Variants in MEOX2 observed in about 807,000 individuals in gnomAD.
The protein encoded by MEOX2 is homeobox protein MOX-2.
MEOX2 carries 11 observed loss-of-function variants against 27.0 expected under a neutral mutation model. The ratio of observed to expected loss-of-function variants is 0.41; its 90% CI spans 0.26 to 0.68. The LOEUF (loss-of-function observed/expected upper bound fraction) is 0.68. Ranked by LOEUF, MEOX2 falls within the 30% of genes least tolerant of loss-of-function variation. The probability of loss-of-function intolerance (pLI) is 0.33; values close to 1 mark genes in which losing one functional copy is unlikely to be tolerated. For synonymous variants in MEOX2, 189 were observed against 155.4 expected (o/e 1.22, Z -1.61); for missense variants, 436 against 385.4 (o/e 1.13, Z -1.10).
At chr7:15,615,476 A>G (rs1781108582) in intron 2 of MEOX2, among the ~76,000 whole-genome samples, 1 of 152,056 alleles carries the variant, frequency 6.6e-6, no homozygotes, top group Non-Finnish European at 1.5e-5. Context: ...TGTGATTACT[A>G]TCATTCAGGT....
rs1781278390 is a variant in MEOX2 at position 15,625,032 on chromosome 7, C to T, written c.690+1714G>A. On this transcript the variant is annotated intron_variant, in intron 2 of 2. Coordinates refer to ENST00000262041, the MANE Select transcript of MEOX2 (RefSeq NM_005924.5). Reference sequence around the variant, plus strand: ...CAATGACAGATAACCGTAGACCACCCCCAAAATGTCAAGTACAGAATCTTG... The same window carrying T: ...CAATGACAGATAACCGTAGACCACCTCCAAAATGTCAAGTACAGAATCTTG... Among the ~76,000 whole-genome samples the T allele has an allele frequency of 2.0e-5, 3 of 152,080 alleles. No individual in the cohort carries two copies. The South Asian group carries it at 6.2e-4, about 31-fold the overall frequency.
At chr7:15,616,756 T>C (rs1424001296) in intron 2 of MEOX2, among the ~76,000 whole-genome samples, 1 of 152,012 alleles carries the variant, frequency 6.6e-6, no homozygotes, top group Admixed American at 6.6e-5. Context: ...AATTCTCACA[T>C]TTCCTTGGTG....
At chr7:15,634,508 T>C (rs1457674517) in intron 1 of MEOX2, among the ~76,000 whole-genome samples, 1 of 152,022 alleles carries the variant, frequency 6.6e-6, no homozygotes, top group Non-Finnish European at 1.5e-5. Context: ...TATTGTTGTA[T>C]GAAAATTCTA....
rs901063074 is a variant in MEOX2, at chr7:15,686,546, A to G, written c.-144T>C. 4 of 752,274 alleles carry G rather than the reference A, an allele frequency of 5.3e-6. No homozygotes were observed. The highest frequency in any genetic ancestry group is 6.4e-6 in the Non-Finnish European group (3 of 471,634). The allele number at this position is 752,274 out of a possible 1,614,324, so 46.6% of individuals were successfully genotyped here. On this transcript the variant is annotated 5_prime_UTR_variant, in exon 1 of 3. Coordinates refer to ENST00000262041, the MANE Select transcript of MEOX2 (RefSeq NM_005924.5). ...CGGTGCACTTCTGCAGAGCTCGGAT[A>G]ATCCCGGTCCTGAGCCCCAGCGGCC...
intron 1 of MEOX2, among the ~76,000 whole-genome samples, chr7:15,637,013 G>A (rs1262012954): frequency 6.6e-6 from 1 of 151,962 alleles, no homozygotes; most frequent in African/African-American, 2.4e-5. Context: ...CGTGAATTTT[G>A]GGAAACACAT....
At chr7:15,619,472 C>T (rs948809289) in intron 2 of MEOX2, among the ~76,000 whole-genome samples, 1 of 151,986 alleles carries the variant, frequency 6.6e-6, no homozygotes, top group African/African-American at 2.4e-5. Context: ...AATTCTTAGA[C>T]TCCTGGGAAG....
intron 1 of MEOX2, among the ~76,000 whole-genome samples, chr7:15,684,829 C>T (rs1782351171): frequency 6.6e-6 from 1 of 152,234 alleles, no homozygotes; most frequent in Admixed American, 6.5e-5. Context: ...TCACAAGTCT[C>T]TTAATTTTAA....
intron 1 of MEOX2, among the ~76,000 whole-genome samples, chr7:15,630,665 C>G (rs918205432): frequency 2.6e-5 from 4 of 151,858 alleles, no homozygotes; most frequent in Non-Finnish European, 4.4e-5. Context: ...GTAAACTATT[C>G]AAAATGAGAG....
chr7:15,612,512 T>G lies in MEOX2; in HGVS notation c.790A>C (p.Lys264Gln). The change falls in exon 3 of 3, where the codon AAG (lysine) becomes CAG (glutamine). Residue 264 changes from lysine to glutamine, a missense_variant. Physicochemically the swap from Lys to Gln is moderately conservative, Grantham distance 53. Coordinates refer to ENST00000262041, the MANE Select transcript of MEOX2 (RefSeq NM_005924.5). ...AREKELVNVK[K>Q]GTLLPSELSG... The stretch of plus-strand genomic sequence containing the variant: ...AGCTCTGATGGGAGAAGTGTTCCCT[T>G]TTTCACATTCACCAGTTCCTTTTCC... 1 of 1,614,180 alleles carries G rather than the reference T, an allele frequency of 6.2e-7. No individual in the cohort carries two copies. Among genetic ancestry groups the G allele is most frequent in the South Asian group, 1.1e-5 (1 of 91,084 alleles).
At chr7:15,636,922 G>A (rs957241765) in intron 1 of MEOX2, among the ~76,000 whole-genome samples, 4 of 151,900 alleles carry the variant, frequency 2.6e-5, no homozygotes, top group Admixed American at 6.6e-5. Flanking sequence ...CCATTCATGG[G>A]AGTGAAATCC....
Position 15,675,064 on chromosome 7 carries a change from A to C in MEOX2, c.517+10822T>G, listed in dbSNP as rs913031507. Reference sequence around the variant, plus strand: ...GCAAATACAATATAGGTAATGCTCAACTTAACAAAATTTACTTGGATTAAA... The same window carrying C: ...GCAAATACAATATAGGTAATGCTCACCTTAACAAAATTTACTTGGATTAAA... On this transcript the variant is annotated intron_variant, in intron 1 of 2. Coordinates refer to ENST00000262041, the MANE Select transcript of MEOX2 (RefSeq NM_005924.5). Among the ~76,000 whole-genome samples the C allele has an allele frequency of 2.6e-5, 4 of 152,192 alleles. 1 individual carries two copies. The highest frequency in any genetic ancestry group is 6.5e-5 in the Admixed American group (1 of 15,270).
At chr7:15,614,052 A>G (rs907708547) in intron 2 of MEOX2, among the ~76,000 whole-genome samples, 2 of 109,974 alleles carry the variant, frequency 1.8e-5, no homozygotes, top group South Asian at 2.7e-4. Flanking sequence ...AAATTTATCT[A>G]TTGTTTCTTT....
At chr7:15,625,698 T>C (rs1276172530) in intron 2 of MEOX2, among the ~76,000 whole-genome samples, 7 of 152,164 alleles carry the variant, frequency 4.6e-5, no homozygotes, top group Admixed American at 4.6e-4. Flanking sequence ...ATAAAGATGT[T>C]TGCATTTGCC....
At chr7:15,660,594 C>T (rs937238006) in intron 1 of MEOX2, among the ~76,000 whole-genome samples, 1 of 152,042 alleles carries the variant, frequency 6.6e-6, no homozygotes, top group African/African-American at 2.4e-5. Flanking sequence ...TTATTTGTCT[C>T]TAGAGATTAC....
At chr7:15,665,041 TCACACACACACACACACACACA>T (rs35772927) in intron 1 of MEOX2, among the ~76,000 whole-genome samples, 1 of 141,222 alleles carries the variant, frequency 7.1e-6, no homozygotes, top group Non-Finnish European at 1.5e-5. Flanking sequence ...TAAGTGGACA[TCACACACACACACACACACACA>T]CACACACACA....
At chr7:15,638,097 C>A (rs1414551937) in intron 1 of MEOX2, among the ~76,000 whole-genome samples, 1 of 151,938 alleles carries the variant, frequency 6.6e-6, no homozygotes, top group Non-Finnish European at 1.5e-5. Flanking sequence ...TTTTAGTGAT[C>A]TTGAACTTAG....
chr7:15,631,739 A>G (rs772382894), intron 1 of MEOX2, among the ~76,000 whole-genome samples: 1 of 151,844 alleles, frequency 6.6e-6, no homozygotes, highest in Non-Finnish European at 1.5e-5. Context: ...TGTACAAAGC[A>G]ATGATATAAA....
At chr7:15,624,835 T>C (rs1214840248) in intron 2 of MEOX2, among the ~76,000 whole-genome samples, 2 of 152,208 alleles carry the variant, frequency 1.3e-5, no homozygotes, top group Non-Finnish European at 2.9e-5. Flanking sequence ...TAAAAGAATC[T>C]TTAAAACAAC....
At chr7:15,626,286 G>T (rs1781303933) in intron 2 of MEOX2, among the ~76,000 whole-genome samples, 1 of 152,242 alleles carries the variant, frequency 6.6e-6, no homozygotes, top group Non-Finnish European at 1.5e-5. Flanking sequence ...TATGGAGAGT[G>T]AGTAAGTAAT....
Sources: allele counts gnomAD v4.1 joint callset (sites outside exome capture counted in the v4.1 genomes callset), GRCh38; gene constraint gnomAD v4.1.1; transcripts MANE v1.5; gene names NCBI Gene and HGNC (gene_info 2026-07-23, HGNC 2026-07-21).